The following SV2C variants were observed in gnomAD, a reference collection of about 807,000 sequenced individuals.
The protein encoded by SV2C is synaptic vesicle glycoprotein 2C.
In SV2C, 49 loss-of-function variants were observed where a neutral mutation model predicts 79.7. The ratio of observed to expected loss-of-function variants is 0.61; its 90% CI spans 0.49 to 0.78. SV2C has a LOEUF of 0.78. SV2C is among the 30% of genes least tolerant of loss of function. SV2C has a pLI of 0.00. For missense variants in SV2C, 833 were observed against 912.9 expected (o/e 0.91, Z 1.13); for synonymous variants, 334 against 333.2 (o/e 1.00, Z -0.03).
intron 2 of SV2C, among the ~76,000 whole-genome samples, chr5:76,183,972 T>C (rs1157775693): frequency 6.6e-6 from 1 of 152,238 alleles, no homozygotes. Flanking sequence ...TGTTTCATTC[T>C]GTGGTAATTA....
At chr5:76,346,942 G>C (rs968290572) in intron 12 of SV2C, among the ~76,000 whole-genome samples, 1 of 152,250 alleles carries the variant, frequency 6.6e-6, no homozygotes, top group Admixed American at 6.5e-5. Flanking sequence ...CCCTTCCACC[G>C]TGCATCTTTC....
At chr5:76,204,783 G>A (rs115502585) in intron 3 of SV2C, among the ~76,000 whole-genome samples, 1,757 of 152,184 alleles carry the variant, frequency 0.012, 20 homozygotes, top group Non-Finnish European at 0.015. Flanking sequence ...CTGAAACAGC[G>A]TACATCAGTG....
At chr5:76,341,541 G>C (rs1326472564) in intron 12 of SV2C, among the ~76,000 whole-genome samples, 2 of 152,164 alleles carry the variant, frequency 1.3e-5, no homozygotes, top group East Asian at 3.8e-4. Flanking sequence ...ATATGGGTTT[G>C]AGTCCTGACT....
At chr5:76,286,263 T>A (rs924443872) in intron 6 of SV2C, among the ~76,000 whole-genome samples, 1 of 152,102 alleles carries the variant, frequency 6.6e-6, no homozygotes, top group Non-Finnish European at 1.5e-5. Context: ...GGACAAGAGA[T>A]TCTTGGTGTA....
chr5:76,052,898 TTATAA>T, the SV2C span, among the ~76,000 whole-genome samples: 1 of 150,514 alleles, frequency 6.6e-6, no homozygotes, highest in Non-Finnish European at 1.5e-5. Flanking sequence ...TAATCTACTA[TTATAA>T]TATTATATAT....
chr5:76,270,841 T>G (rs1358829474), intron 4 of SV2C, among the ~76,000 whole-genome samples: 1 of 152,030 alleles, frequency 6.6e-6, no homozygotes, highest in Admixed American at 6.6e-5. Context: ...CGATCTCAGC[T>G]CACTGCAGTC....
chr5:76,207,687 G>A (rs1744647608), intron 3 of SV2C, among the ~76,000 whole-genome samples: 1 of 152,142 alleles, frequency 6.6e-6, no homozygotes, highest in Non-Finnish European at 1.5e-5. Context: ...CCAGGCTGGA[G>A]TGCAGTGGCC....
intron 4 of SV2C, among the ~76,000 whole-genome samples, chr5:76,229,746 C>T (rs1198233622): frequency 6.6e-6 from 1 of 152,240 alleles, no homozygotes; most frequent in East Asian, 1.9e-4. Flanking sequence ...CTCCCTCTTT[C>T]TCAAAGTCAT....
At chr5:76,265,682 C>T (rs1012997593) in intron 4 of SV2C, among the ~76,000 whole-genome samples, 2 of 152,084 alleles carry the variant, frequency 1.3e-5, no homozygotes, top group African/African-American at 4.8e-5. Context: ...CTGGATAGCA[C>T]CATCCCTCAT....
chr5:75,881,781 G>A, the SV2C span, among the ~76,000 whole-genome samples: 3 of 147,108 alleles, frequency 2.0e-5, no homozygotes, highest in African/African-American at 5.1e-5. Context: ...TAATTGAATA[G>A]CCTTTATTTC....
intron 2 of SV2C, among the ~76,000 whole-genome samples, chr5:76,136,478 T>G (rs7721651): frequency 0.17 from 25,472 of 152,212 alleles, 2,287 homozygotes; most frequent in East Asian, 0.32. Flanking sequence ...GAACTTTTTT[T>G]TTGTTGTTAC....
the SV2C span, among the ~76,000 whole-genome samples, chr5:75,935,442 C>G: frequency 6.6e-6 from 1 of 151,834 alleles, no homozygotes; most frequent in Non-Finnish European, 1.5e-5. Flanking sequence ...AGTCTACCTT[C>G]CAGAAATAGT....
rs1444732422 is a variant in SV2C, at chr5:76,195,115, T to C, written c.761+16T>C. 1.9e-6 allele frequency: 3 copies of C among 1,608,990 alleles called. No homozygotes were observed. The highest frequency in any genetic ancestry group is 2.5e-6 in the Non-Finnish European group (3 of 1,178,298). On this transcript the variant is annotated intron_variant, in intron 3 of 12. Coordinates refer to ENST00000502798, the MANE Select transcript of SV2C (RefSeq NM_014979.4). ...CTGGATTCGGGTAAGGTTTTCTCCT[T>C]CATATTTTATAGTAATGTGTTTATT...
At chr5:76,277,866 G>A (rs1747070341) in intron 4 of SV2C, among the ~76,000 whole-genome samples, 1 of 152,178 alleles carries the variant, frequency 6.6e-6, no homozygotes, top group African/African-American at 2.4e-5. Context: ...GATTGCCAGG[G>A]GTTAGGGCTG....
chr5:75,940,243 A>T, the SV2C span, among the ~76,000 whole-genome samples: 3 of 152,182 alleles, frequency 2.0e-5, no homozygotes, highest in Non-Finnish European at 4.4e-5. Flanking sequence ...GTTCACCTGT[A>T]GTCCGGGCTA....
chr5:76,139,062 T>C (rs1272100250), intron 2 of SV2C, among the ~76,000 whole-genome samples: 1 of 151,622 alleles, frequency 6.6e-6, no homozygotes, highest in Admixed American at 6.6e-5. Flanking sequence ...GAGGTTGCAG[T>C]GAGCTGAGAT....
At position 76,194,912 on chromosome 5, in the gene SV2C, G is replaced by C; in HGVS notation, c.581-7G>C. On this transcript the variant is annotated splice_polypyrimidine_tract_variant and splice_region_variant and intron_variant, in intron 2 of 12. Coordinates refer to ENST00000502798, the MANE Select transcript of SV2C (RefSeq NM_014979.4). ...TGATGTGTTTCTTTGTTTTCTGTGT[G>C]TTGCAGGCAGCATAGTGTACCTCGG... 6.2e-7 allele frequency: 1 copy of C among 1,613,416 alleles called. No homozygotes were observed. Among genetic ancestry groups the C allele is most frequent in the Non-Finnish European group, 8.5e-7 (1 of 1,179,666 alleles).
intron 4 of SV2C, among the ~76,000 whole-genome samples, chr5:76,235,702 TC>T (rs61566580): frequency 0.12 from 17,833 of 152,106 alleles, 3,038 homozygotes; most frequent in African/African-American, 0.38. Context: ...AGATTTTTTT[TC>T]AAGCATAATA....
chr5:76,268,440 C>G (rs1746734697), intron 4 of SV2C, among the ~76,000 whole-genome samples: 1 of 152,138 alleles, frequency 6.6e-6, no homozygotes, highest in Non-Finnish European at 1.5e-5. Context: ...CACTGCAGGT[C>G]TTGTGGAACC....
Sources: gnomAD v4.1 joint callset for allele counts (sites outside exome capture counted in the v4.1 genomes callset) on GRCh38, gnomAD v4.1.1 for gene constraint, MANE v1.5 for transcripts, NCBI Gene and HGNC (gene_info 2026-07-23, HGNC 2026-07-21) for gene names.